The following FASTKD5 variants were observed in gnomAD, a reference collection of about 807,000 sequenced individuals.
FASTKD5 encodes the protein FAST kinase domains 5, also known as non-canonical pre-mRNAs endonuclease FASTKD5, mitochondrial.
A neutral mutation model predicts 44.0 loss-of-function variants in FASTKD5; 30 were observed. The observed-to-expected ratio is 0.68, with a 90% confidence interval of 0.51 to 0.93. The LOEUF is 0.93. Among genes scored for constraint, FASTKD5 ranks in the 40% least tolerant of loss-of-function variants. The probability of loss-of-function intolerance (pLI) is 0.00; values close to 1 mark genes in which losing one functional copy is unlikely to be tolerated. For synonymous variants in FASTKD5, 335 were observed against 342.2 expected (o/e 0.98, Z 0.23); for missense variants, 868 against 908.2 (o/e 0.96, Z 0.57).
At position 3,148,465 on chromosome 20, in the gene FASTKD5, A is replaced by G. The variant is rs1470217500; in HGVS notation, c.606T>C (p.Asp202=). Residue 202 remains aspartate (D), a synonymous_variant, in exon 2 of 2, where the codon GAT becomes GAC. Transcript: ENST00000380266. ...TCAAAACATTGATCAGATCTTGGGT[A>G]TCAAAGAGCTGTATCTTCTTCACAC... ...QLSVKKIQLF[D]TQDLINVLKA... 6.2e-7 allele frequency: 1 copy of G among 1,614,168 alleles called. No homozygotes were observed. The highest frequency in any genetic ancestry group is 1.1e-5 in the South Asian group (1 of 91,090).
chr20:3,150,238 T>C (rs560326360), intron 1 of FASTKD5, among the ~76,000 whole-genome samples: 46 of 152,158 alleles, frequency 3.0e-4, no homozygotes, highest in African/African-American at 1.1e-3. Context: ...ACTAAAAAAC[T>C]CACTCATTTT....
rs370373822 is a variant in FASTKD5, at chr20:3,147,984, A to T, written c.1087T>A (p.Phe363Ile). Residue 363 changes from phenylalanine to isoleucine, a missense_variant, in exon 2 of 2, where the codon TTC (phenylalanine) becomes ATC (isoleucine). By Grantham distance (21) the Phe-to-Ile change is conservative. Transcript: ENST00000380266. ...ATGTGATCCACGTGAGTGAAACGGAACATTTTAACAATATTCACTAAGGAG... is the reference window on the plus strand; with the variant it reads ...ATGTGATCCACGTGAGTGAAACGGATCATTTTAACAATATTCACTAAGGAG... ...SRSLVNIVKM[F>I]RFTHVDHINF... 117 of 1,614,104 alleles carry T rather than the reference A, an allele frequency of 7.2e-5. No homozygotes were observed. Among genetic ancestry groups the T allele is most frequent in the Non-Finnish European group, 9.4e-5 (111 of 1,180,054 alleles).
chr20:3,158,764 G>A (rs183792932), intron 1 of FASTKD5, among the ~76,000 whole-genome samples: 1 of 152,344 alleles, frequency 6.6e-6, no homozygotes, highest in African/African-American at 2.4e-5. Context: ...GTGAGCCACT[G>A]TGTCCGGCCC....
chr20:3,151,926 G>A (rs1052648374), intron 1 of FASTKD5: 9 of 151,414 alleles, frequency 5.9e-5, no homozygotes, highest in African/African-American at 2.2e-4. Context: ...CCATCATGGT[G>A]AAACCCTATC....
chr20:3,150,588 G>A (rs1466027319), intron 1 of FASTKD5: 1 of 152,190 alleles, frequency 6.6e-6, no homozygotes, highest in Non-Finnish European at 1.5e-5. Flanking sequence ...GTCAACTGAT[G>A]TACCAGACAG....
intron 1 of FASTKD5, among the ~76,000 whole-genome samples, chr20:3,157,893 G>A (rs1176721688): frequency 6.6e-6 from 1 of 152,044 alleles, no homozygotes; most frequent in East Asian, 1.9e-4. Context: ...AGGAGTTTCA[G>A]AATTCTTTTG....
chr20:3,151,241 G>C, intron 1 of FASTKD5, among the ~76,000 whole-genome samples: 1 of 152,142 alleles, frequency 6.6e-6, no homozygotes, highest in East Asian at 1.9e-4. Context: ...TCAATCTGTG[G>C]TTCAGATCAA....
At chr20:3,154,472 G>A (rs570599416) in intron 1 of FASTKD5, among the ~76,000 whole-genome samples, 25 of 152,204 alleles carry the variant, frequency 1.6e-4, no homozygotes, top group African/African-American at 5.5e-4. Flanking sequence ...ACTTGAGGCC[G>A]GGAGTTTGAG....
At chr20:3,155,263 C>T (rs1012183077) in intron 1 of FASTKD5, among the ~76,000 whole-genome samples, 1 of 151,978 alleles carries the variant, frequency 6.6e-6, no homozygotes, top group Non-Finnish European at 1.5e-5. Flanking sequence ...GGCACAGCGG[C>T]TCAAGTCTGT....
At position 3,149,593 on chromosome 20, in the gene FASTKD5, G is replaced by A. The variant is rs1040028627; in HGVS notation, c.-190-333C>T. ...AAGAAGGAAGGCAGATTTCTAGAAAGAAGGCTGGGAACAAAAGTGAGCAAC... is the reference window on the plus strand; with the variant it reads ...AAGAAGGAAGGCAGATTTCTAGAAAAAAGGCTGGGAACAAAAGTGAGCAAC... On this transcript the variant is annotated intron_variant, in intron 1 of 1. Transcript: ENST00000380266. This position sits in a 1 kb window ranked among gnomAD's most constrained non-coding sequence, Gnocchi z 4.1. 8.5e-5 allele frequency among the ~76,000 whole-genome samples: 13 copies of A among 152,228 alleles called. No homozygotes were observed. Among genetic ancestry groups the A allele is most frequent in the African/African-American group, 2.4e-5 (1 of 41,460 alleles).
At position 3,147,070 on chromosome 20, in the gene FASTKD5, G is replaced by GC. The variant is rs1233549844; in HGVS notation, c.2000dup (p.Phe668LeufsTer8). 3.7e-6 allele frequency: 6 copies of GC among 1,614,164 alleles called. No homozygotes were observed. The highest frequency in any genetic ancestry group is 5.1e-6 in the Non-Finnish European group (6 of 1,180,046). ...ATTTATCTGCTACATTGCAAAGGAA[G>GC]CCCCCCAGAGGTACAGCTGCCTTAT... On this transcript the variant is annotated frameshift_variant, in exon 2 of 2. Coordinates refer to ENST00000380266, the MANE Select transcript of FASTKD5 (RefSeq NM_021826.5). LOFTEE classifies it high-confidence loss of function.
In FASTKD5 at chr20:3,147,300, C is replaced by G. The variant is rs2066575159; in HGVS notation, c.1771G>C (p.Glu591Gln). The G allele has an allele frequency of 6.2e-7, 1 of 1,614,218 alleles. No homozygotes were observed. Among genetic ancestry groups the G allele is most frequent in the South Asian group, 1.1e-5 (1 of 91,084 alleles). Residue 591 changes from glutamate (E) to glutamine (Q), a missense_variant, in exon 2 of 2, where the codon GAG becomes CAG. Glu to Gln is a conservative substitution (Grantham distance 29, BLOSUM62 2). Coordinates refer to ENST00000380266, the MANE Select transcript of FASTKD5 (RefSeq NM_021826.5). ...TTCAGGTTAACATCAAGCTGGACCT[C>G]TAAGTCAGAAGATCGGGTATGAGGC... ...ILPHTRSSDL[E>Q]VQLDVNLKPL...
chr20:3,154,237 C>T (rs911723054), intron 1 of FASTKD5, among the ~76,000 whole-genome samples: 6 of 152,074 alleles, frequency 3.9e-5, no homozygotes, highest in Non-Finnish European at 7.4e-5. Flanking sequence ...TCATGCTGGA[C>T]GACATAGACA....
chr20:3,146,943 C>T lies in FASTKD5; in HGVS notation c.2128G>A (p.Gly710Ser), dbSNP rs749572923. The change falls in exon 2 of 2, where the codon GGC becomes AGC. Residue 710 changes from glycine to serine, a missense_variant. Coordinates refer to ENST00000380266, the MANE Select transcript of FASTKD5 (RefSeq NM_021826.5). Reference sequence around the variant, plus strand: ...TGCAGTCCAAGGAGATCCCTGGAGCCATAGCAATACTGGTTCCTGTTTGTG... The same window carrying T: ...TGCAGTCCAAGGAGATCCCTGGAGCTATAGCAATACTGGTTCCTGTTTGTG... Reference protein sequence around the residue: ...QFTNRNQYCYGSRDLLGLHNM... With the variant: ...QFTNRNQYCYSSRDLLGLHNM... 6.2e-7 allele frequency: 1 copy of T among 1,614,196 alleles called. No homozygotes were observed. The highest frequency in any genetic ancestry group is 1.1e-5 in the South Asian group (1 of 91,086).
At chr20:3,154,011 C>T (rs919135345) in intron 1 of FASTKD5, among the ~76,000 whole-genome samples, 1 of 152,078 alleles carries the variant, frequency 6.6e-6, no homozygotes, top group Admixed American at 6.5e-5. Context: ...AAAGAGAAGA[C>T]CTCAAAGGCT....
intron 1 of FASTKD5, among the ~76,000 whole-genome samples, chr20:3,158,135 T>C (rs995733426): frequency 2.6e-5 from 4 of 152,014 alleles, no homozygotes; most frequent in African/African-American, 7.2e-5. Flanking sequence ...GTTTTTTTTG[T>C]TTTTTGTTTT....
At chr20:3,152,524 T>C (rs2066641413) in intron 1 of FASTKD5, among the ~76,000 whole-genome samples, 1 of 151,806 alleles carries the variant, frequency 6.6e-6, no homozygotes, top group African/African-American at 2.4e-5. Context: ...GAGGAAGACC[T>C]ACTTTCGAAT....
At chr20:3,156,377 C>T (rs1423632661) in intron 1 of FASTKD5, among the ~76,000 whole-genome samples, 1 of 151,968 alleles carries the variant, frequency 6.6e-6, no homozygotes, top group African/African-American at 2.4e-5. Context: ...CGGGGTTTTG[C>T]CATGTTGGTC....
Position 3,148,256 on chromosome 20 carries a change from T to C in FASTKD5, c.815A>G (p.His272Arg). ...CTGAGACAAGGATAGATCCTTCCAG[T>C]GCAAATTAAGATAACTAGAAAAAAT... ...LNIFSSYLNL[H>R]WKDLSLSQLV... Residue 272 changes from histidine (H) to arginine (R), a missense_variant, in exon 2 of 2, where the codon CAC becomes CGC. His to Arg is a conservative substitution (Grantham distance 29). Coordinates refer to ENST00000380266, the MANE Select transcript of FASTKD5 (RefSeq NM_021826.5). 6.2e-7 allele frequency: 1 copy of C among 1,612,424 alleles called. No homozygotes were observed. Among genetic ancestry groups the C allele is most frequent in the African/African-American group, 1.3e-5 (1 of 74,822 alleles).
Sources: gnomAD v4.1 joint callset for allele counts (sites outside exome capture counted in the v4.1 genomes callset) on GRCh38, gnomAD v4.1.1 for gene constraint, Gnocchi (gnomAD v3.1) non-coding constraint, MANE v1.5 for transcripts, NCBI Gene and HGNC (gene_info 2026-07-23, HGNC 2026-07-21) for gene names.